Variants in LIPE observed in about 807,000 individuals in gnomAD.
LIPE encodes the protein lipase E, hormone sensitive type, also known as hormone-sensitive lipase.
LIPE carries 66 observed loss-of-function variants against 88.5 expected under a neutral mutation model. The observed-to-expected ratio is 0.75, with a 90% CI of 0.61 to 0.91. The LOEUF (loss-of-function observed/expected upper bound fraction) is 0.91. Ranked by LOEUF, LIPE falls within the 40% of genes least tolerant of loss-of-function variation. The probability of loss-of-function intolerance (pLI) is 0.00; values close to 1 mark genes in which losing one functional copy is unlikely to be tolerated. For missense variants in LIPE, 1,346 were observed against 1,434.7 expected (o/e 0.94, Z 1.00); for synonymous variants, 570 against 617.5 (o/e 0.92, Z 1.14).
At chr19:42,426,101 C>T (rs2040701619) in intron 1 of LIPE, among the ~76,000 whole-genome samples, 166 bp downstream of exon 1, 1 of 104,122 alleles carries the variant, frequency 9.6e-6, no homozygotes, top group African/African-American at 4.1e-5. Flanking sequence ...TGCGCCCAGC[C>T]TTTTTTTTTT....
At chr19:42,417,919 A>C (rs2147656327) in intron 1 of LIPE, among the ~76,000 whole-genome samples, 1 of 152,268 alleles carries the variant, frequency 6.6e-6, no homozygotes, top group South Asian at 2.1e-4. Flanking sequence ...ATGGCAACAA[A>C]GGATTTAGAC....
intron 1 of LIPE, among the ~76,000 whole-genome samples, chr19:42,419,218 C>T (rs35312827): frequency 0.034 from 5,197 of 152,248 alleles, 269 homozygotes; most frequent in African/African-American, 0.12. Context: ...GCAGAGGTTG[C>T]GGTGAGCCAA....
Position 42,426,253 on chromosome 19 carries a change from A to G in LIPE, c.883+14T>C. The G allele has an allele frequency of 6.3e-7, 1 of 1,583,860 alleles. No individual in the cohort carries two copies. The highest frequency in any genetic ancestry group is 8.6e-7 in the Non-Finnish European group (1 of 1,158,200). ...GTCCCTGAGAGGCTTCAATTCCTCC[A>G]GATTCACACTCACCTGTATCCTGGT... On this transcript the variant is annotated intron_variant, in intron 1 of 9. Coordinates refer to ENST00000244289, the MANE Select transcript of LIPE (RefSeq NM_005357.4).
Position 42,402,815 on chromosome 19 carries a change from T to A in LIPE, c.2759A>T (p.Glu920Val). 1 of 1,613,268 alleles carries A rather than the reference T, an allele frequency of 6.2e-7. No individual in the cohort carries two copies. ...CAGCTCATTTTTGGCCTCAGCCTCT[T>A]CCCCTGCATCCTCAGGTGGTAATAA... ...NFLLPPEDAG[E>V]EAEAKNELSP... The change falls in exon 9 of 10, where the codon GAA becomes GTA. Residue 920 changes from glutamate to valine, a missense_variant. Transcript: ENST00000244289.
Position 42,401,931 on chromosome 19 carries a change from G to T in LIPE, c.3112C>A (p.Gln1038Lys), listed in dbSNP as rs1473238599. The T allele has an allele frequency of 1.3e-6, 2 of 1,555,644 alleles. No individual in the cohort carries two copies. The highest frequency in any genetic ancestry group is 1.7e-6 in the Non-Finnish European group (2 of 1,155,230). ...TLAALCRETR[Q>K]AAELCVERIR... The stretch of plus-strand genomic sequence containing the variant: ...CGCTCCACGCACAGCTCTGCGGCCT[G>T]GCGCGTCTCGCGGCACAGCGCCGCT... The change falls in exon 10 of 10, where the codon CAG becomes AAG. Residue 1038 changes from glutamine (Q) to lysine (K), a missense_variant. Transcript: ENST00000244289.
In LIPE at chr19:42,406,310, G is replaced by A; in HGVS notation, c.2216C>T (p.Ala739Val). The A allele has an allele frequency of 6.2e-7, 1 of 1,614,142 alleles. No individual in the cohort carries two copies. Among genetic ancestry groups the A allele is most frequent in the South Asian group, 1.1e-5 (1 of 91,078 alleles). The change falls in exon 7 of 10, where the codon GCA becomes GTA. Residue 739 changes from alanine (A) to valine (V), a missense_variant. Coordinates refer to ENST00000244289, the MANE Select transcript of LIPE (RefSeq NM_005357.4). The surrounding 1 kb of genome is among the most constrained non-coding windows in gnomAD (Gnocchi z 5.7). ...NLCFTVALRA[A>V]AYGVRVPDGI... ...ATCTGGCACCCGCACCCCGTAGGCT[G>A]CTGCCCGAAGAGCCACGGTGAAGCA...
At chr19:42,412,657 T>G in intron 1 of LIPE, 1 of 775,382 alleles carries the variant, frequency 1.3e-6, no homozygotes, top group Non-Finnish European at 1.6e-6. Flanking sequence ...CCCTCCTCCC[T>G]CAGACCCAGG....
In LIPE at chr19:42,407,747, C is replaced by A. The variant is rs368672699; in HGVS notation, c.1701G>T (p.Leu567=). 49 of 1,562,036 alleles carry A rather than the reference C, an allele frequency of 3.1e-5. No individual in the cohort carries two copies. Among genetic ancestry groups the A allele is most frequent in the Non-Finnish European group, 3.8e-5 (44 of 1,154,442 alleles). The change falls in exon 5 of 10, where the codon CTG becomes CTT. Residue 567 remains leucine (L), a synonymous_variant. Coordinates refer to ENST00000244289, the MANE Select transcript of LIPE (RefSeq NM_005357.4). This position sits in a 1 kb window ranked among gnomAD's most constrained non-coding sequence, Gnocchi z 5.8. ...MASATVRVSR[L]LSLPPEAFEM... ...CAAAGGCTTCGGGTGGCAGGCTGAGCAGGCGGCTTACCCTCACGGTGGCCG... is the reference window on the plus strand; with the variant it reads ...CAAAGGCTTCGGGTGGCAGGCTGAGAAGGCGGCTTACCCTCACGGTGGCCG...
At chr19:42,412,569 C>A (rs920948421) in intron 1 of LIPE, 6 of 986,784 alleles carry the variant, frequency 6.1e-6, no homozygotes, top group Non-Finnish European at 7.2e-6. Flanking sequence ...TGCCCCCCAC[C>A]TGCTCCCAGA....
Position 42,410,763 on chromosome 19 carries a change from G to T in LIPE, c.963C>A (p.Phe321Leu), listed in dbSNP as rs903973728. 3 of 1,612,674 alleles carry T rather than the reference G, an allele frequency of 1.9e-6. No homozygotes were observed. The East Asian group carries it at 6.7e-5, about 36-fold the overall frequency. The change falls in exon 2 of 10, where the codon TTC (phenylalanine) becomes TTA (leucine). Residue 321 changes from phenylalanine to leucine, a missense_variant. Transcript: ENST00000244289. This position sits in a 1 kb window ranked among gnomAD's most constrained non-coding sequence, Gnocchi z 6.1. Reference protein sequence around the residue: ...LVTLAEDNIAFFSSQGPGETA... With the variant: ...LVTLAEDNIALFSSQGPGETA... ...TTTCCCCAGGACCCTGGCTCGAGAA[G>T]AAGGCTATGTTGTCCTCCGCCAGAG...
intron 1 of LIPE, chr19:42,424,304 A>C: frequency 6.5e-6 from 3 of 461,604 alleles, no homozygotes; most frequent in South Asian, 4.6e-5. Context: ...CATGCTTGAG[A>C]AATGGCGGGA....
Position 42,414,581 on chromosome 19 carries a change from A to G in LIPE, c.884-3739T>C, listed in dbSNP as rs2040452277. ...GCATACTATACAGTTTACTACAGGA[A>G]TACCTTGCTTCACTGTGCCTCGCAC... is the stretch of plus-strand genomic sequence containing the variant. On this transcript the variant is annotated intron_variant, in intron 1 of 9. Transcript: ENST00000244289. This position sits in a 1 kb window ranked among gnomAD's most constrained non-coding sequence, Gnocchi z 4.6. 6.6e-6 allele frequency among the ~76,000 whole-genome samples: 1 copy of G among 152,250 alleles called. No individual in the cohort carries two copies. The highest frequency in any genetic ancestry group is 1.5e-5 in the Non-Finnish European group (1 of 68,042).
rs765100513 is a variant in LIPE, at chr19:42,426,902, G to T, written c.248C>A (p.Ser83Ter). The change falls in exon 1 of 10, where the codon TCA (serine) becomes TAA (stop). Residue 83 changes from serine (S) to a stop codon, truncating the protein, a stop_gained. Transcript: ENST00000244289. LOFTEE classifies it high-confidence loss of function. ...CTGTGGGGCAAGAAATTCCTCTTGTGAAGCAGATTTTTGTTGGGCTCTAGG... is the reference window on the plus strand; with the variant it reads ...CTGTGGGGCAAGAAATTCCTCTTGTTAAGCAGATTTTTGTTGGGCTCTAGG... The part of the protein sequence containing the change: ...KEPRAQQKSA[S>*]QEEFLAPQKP... 1.4e-5 allele frequency: 23 copies of T among 1,614,066 alleles called. No homozygotes were observed. Among genetic ancestry groups the T allele is most frequent in the Non-Finnish European group, 1.2e-5 (14 of 1,180,042 alleles).
chr19:42,426,648 C>T lies in LIPE; in HGVS notation c.502G>A (p.Glu168Lys). 6.2e-7 allele frequency: 1 copy of T among 1,614,190 alleles called. No individual in the cohort carries two copies. Among genetic ancestry groups the T allele is most frequent in the Non-Finnish European group, 8.5e-7 (1 of 1,180,040 alleles). ...AAQAKPGAKR[E>K]PSAPTESTSQ... ...GTAGATTCAGTCGGGGCAGATGGCT[C>T]CCTTTTGGCTCCAGGTTTAGCCTGG... The change falls in exon 1 of 10, where the codon GAG becomes AAG. Residue 168 changes from glutamate (E) to lysine (K), a missense_variant. Transcript: ENST00000244289.
intron 1 of LIPE, among the ~76,000 whole-genome samples, chr19:42,418,775 A>G (rs915028270): frequency 3.9e-5 from 6 of 152,206 alleles, no homozygotes; most frequent in South Asian, 2.1e-4. Context: ...AATTTGTGTG[A>G]CTCACTTTAT....
Position 42,408,307 on chromosome 19 carries a change from G to A in LIPE, c.1435C>T (p.Arg479Trp), listed in dbSNP as rs1303057820. 13 of 1,613,942 alleles carry A rather than the reference G, an allele frequency of 8.1e-6. No homozygotes were observed. Among genetic ancestry groups the A allele is most frequent in the East Asian group, 2.2e-5 (1 of 44,888 alleles). ...CLGFQFTPAI[R>W]PFLQTISIGL... ...ATGGAGATGGTCTGCAGGAATGGCC[G>A]GATGGCAGGCGTGAACTGTGGAGAG... Residue 479 changes from arginine to tryptophan, a missense_variant, in exon 3 of 10, where the codon CGG becomes TGG. Coordinates refer to ENST00000244289, the MANE Select transcript of LIPE (RefSeq NM_005357.4). The surrounding 1 kb of genome is among the most constrained non-coding windows in gnomAD (Gnocchi z 4.3).
intron 1 of LIPE, chr19:42,424,735 C>T (rs1307250875): frequency 1.2e-5 from 5 of 403,030 alleles, no homozygotes; most frequent in East Asian, 7.2e-5. Context: ...TTTCCCCCCA[C>T]ATCAGGGGAC....
At chr19:42,423,916 C>T in intron 1 of LIPE, 1 of 1,157,210 alleles carries the variant, frequency 8.6e-7, no homozygotes, top group Non-Finnish European at 1.1e-6. Flanking sequence ...TCTCGCCATC[C>T]CACTCACCTT....
chr19:42,415,608 G>A (rs1023382582), intron 1 of LIPE, among the ~76,000 whole-genome samples: 1 of 151,822 alleles, frequency 6.6e-6, no homozygotes, highest in African/African-American at 2.4e-5. Context: ...CAGGAGATCG[G>A]GACCATCCTG....
Sources: gnomAD v4.1 joint callset for allele counts (sites outside exome capture counted in the v4.1 genomes callset) on GRCh38, gnomAD v4.1.1 for gene constraint, Gnocchi (gnomAD v3.1) non-coding constraint, MANE v1.5 for transcripts, NCBI Gene and HGNC (gene_info 2026-07-23, HGNC 2026-07-21) for gene names.